The following TRPC4AP variants were observed in gnomAD, a reference collection of about 807,000 sequenced individuals.
TRPC4AP encodes the protein transient receptor potential cation channel subfamily C member 4 associated protein.
A neutral mutation model predicts 99.0 loss-of-function variants in TRPC4AP; 45 were observed. That is an observed-to-expected ratio of 0.45 (90% confidence interval 0.36 to 0.58). TRPC4AP has a LOEUF of 0.58. Among genes scored for constraint, TRPC4AP ranks in the 20% least tolerant of loss-of-function variants. The pLI, the probability that TRPC4AP is intolerant of heterozygous loss-of-function variation, is 0.00. For missense variants in TRPC4AP, 879 were observed against 985.3 expected (o/e 0.89, Z 1.44); for synonymous variants, 408 against 385.8 (o/e 1.06, Z -0.67).
intron 7 of TRPC4AP, 36 bp from the exon 8 acceptor site, chr20:35,035,344 A>AT (rs1569107058): frequency 6.3e-7 from 1 of 1,599,982 alleles, no homozygotes. Context: ...AATTTTCAAA[A>AT]TAGAGACCAG....
intron 3 of TRPC4AP, among the ~76,000 whole-genome samples, chr20:35,060,585 CAAAAAAAAAAAAAAAAAA>C (rs35143678): frequency 4.3e-5 from 3 of 70,386 alleles, no homozygotes; most frequent in African/African-American, 1.8e-4. Flanking sequence ...ACCTTGTCTC[CAAAAAAAAAAAAAAAAAA>C]AAAAAAACAA....
chr20:35,002,991 A>T lies in TRPC4AP; in HGVS notation c.*155T>A. On this transcript the variant is annotated 3_prime_UTR_variant, in exon 19 of 19. Coordinates refer to ENST00000252015, the MANE Select transcript of TRPC4AP (RefSeq NM_015638.3). ...TAGGGCCCTCAGACCCAGGGGGACC[A>T]AGGGCTTCTAGGACTTCCCTCCCAC... The T allele has an allele frequency of 9.5e-7, 1 of 1,055,838 alleles. No individual in the cohort carries two copies. 65.4% of individuals were successfully genotyped at this position (1,055,838 alleles called of 1,614,324 possible).
At chr20:35,020,639 G>A (rs73905050) in intron 9 of TRPC4AP, among the ~76,000 whole-genome samples, 5,984 of 152,146 alleles carry the variant, frequency 0.039, 399 homozygotes, top group African/African-American at 0.14. Flanking sequence ...CTAGAAGGGC[G>A]CGGTCTGCAG....
chr20:35,009,953 C>T (rs6058157), intron 12 of TRPC4AP, among the ~76,000 whole-genome samples: 1 of 152,248 alleles, frequency 6.6e-6, no homozygotes, highest in African/African-American at 2.4e-5. Context: ...TGAGGCTCAC[C>T]TCATCTGTCA....
At chr20:35,048,108 T>C (rs552356040) in intron 6 of TRPC4AP, among the ~76,000 whole-genome samples, 13 of 152,340 alleles carry the variant, frequency 8.5e-5, no homozygotes, top group African/African-American at 2.9e-4. Flanking sequence ...TTCTCTTTTA[T>C]GTTTATGGAC....
intron 8 of TRPC4AP, 46 bp downstream of exon 8, chr20:35,035,077 C>A (rs747451445): frequency 6.4e-7 from 1 of 1,561,466 alleles, no homozygotes; most frequent in South Asian, 1.2e-5. Context: ...GTCCCAGGCG[C>A]CCAAGGAAAA....
At chr20:35,021,122 C>G in intron 9 of TRPC4AP, 68 bp downstream of exon 9, 1 of 1,551,022 alleles carries the variant, frequency 6.4e-7, no homozygotes, top group Non-Finnish European at 8.8e-7. Context: ...CAGTGGAGCA[C>G]CTGGCATACC....
At chr20:35,032,995 G>C (rs1457125796) in intron 8 of TRPC4AP, among the ~76,000 whole-genome samples, 1 of 152,026 alleles carries the variant, frequency 6.6e-6, no homozygotes, top group African/African-American at 2.4e-5. Context: ...CTGAGCTCAG[G>C]AGTTCAATAC....
chr20:35,052,922 C>T (rs2083738467), intron 5 of TRPC4AP, among the ~76,000 whole-genome samples: 1 of 152,216 alleles, frequency 6.6e-6, no homozygotes, highest in African/African-American at 2.4e-5. Context: ...TCTGCCTGAT[C>T]CCTGGAGGCA....
At chr20:35,028,605 G>A (rs982027646) in intron 8 of TRPC4AP, among the ~76,000 whole-genome samples, 1 of 152,118 alleles carries the variant, frequency 6.6e-6, no homozygotes, top group Non-Finnish European at 1.5e-5. Context: ...GGTCTGTCCT[G>A]GAGAATGTTC....
chr20:35,044,765 G>A, intron 6 of TRPC4AP, 53 bp from the exon 7 acceptor site: 1 of 1,565,380 alleles, frequency 6.4e-7, no homozygotes, highest in Non-Finnish European at 8.8e-7. Flanking sequence ...TCAAGAGATT[G>A]GATGTGCCTC....
intron 8 of TRPC4AP, among the ~76,000 whole-genome samples, chr20:35,026,963 A>C (rs1487832654): frequency 1.3e-5 from 2 of 152,014 alleles, no homozygotes; most frequent in African/African-American, 4.8e-5. Flanking sequence ...GATTCCTTAG[A>C]TTTTTCTACA....
At chr20:35,081,442 A>T (rs1412195567) in intron 1 of TRPC4AP, among the ~76,000 whole-genome samples, 1 of 151,998 alleles carries the variant, frequency 6.6e-6, no homozygotes, top group Non-Finnish European at 1.5e-5. Flanking sequence ...TGATGCTAGG[A>T]GGCCGAGACT....
chr20:35,042,190 A>C (rs4911461), intron 7 of TRPC4AP, among the ~76,000 whole-genome samples: 60,218 of 152,056 alleles, frequency 0.4, 13,051 homozygotes, highest in East Asian at 0.58. Context: ...ACACAGACCA[A>C]GGAAGACCTT....
At chr20:35,056,403 C>T (rs757614952) in intron 4 of TRPC4AP, among the ~76,000 whole-genome samples, 1 of 151,922 alleles carries the variant, frequency 6.6e-6, no homozygotes, top group Non-Finnish European at 1.5e-5. Flanking sequence ...AACAAGTGCA[C>T]CAACAAATAA....
At chr20:35,091,171 G>A (rs567831831) in intron 1 of TRPC4AP, among the ~76,000 whole-genome samples, 1 of 151,240 alleles carries the variant, frequency 6.6e-6, no homozygotes, top group Admixed American at 6.6e-5. Context: ...CTAAATTTTT[G>A]GAGACACAGG....
At chr20:35,084,297 A>G (rs1427255158) in intron 1 of TRPC4AP, among the ~76,000 whole-genome samples, 1 of 151,946 alleles carries the variant, frequency 6.6e-6, no homozygotes, top group Non-Finnish European at 1.5e-5. Context: ...CACAAGGCAA[A>G]ACAATTTAAA....
At chr20:35,039,122 T>C (rs1321349258) in intron 7 of TRPC4AP, among the ~76,000 whole-genome samples, 1 of 152,184 alleles carries the variant, frequency 6.6e-6, no homozygotes. Flanking sequence ...AGAATTTGTA[T>C]TCTACATGAA....
chr20:35,054,768 T>C (rs564159908), intron 5 of TRPC4AP, among the ~76,000 whole-genome samples: 1 of 152,326 alleles, frequency 6.6e-6, no homozygotes, highest in East Asian at 1.9e-4. Flanking sequence ...GCTGCAGCAG[T>C]CCTGGCTCTT....
Sources: allele counts gnomAD v4.1 joint callset (sites outside exome capture counted in the v4.1 genomes callset), GRCh38; gene constraint gnomAD v4.1.1; transcripts MANE v1.5; gene names NCBI Gene and HGNC (gene_info 2026-07-23, HGNC 2026-07-21).